Variants in NHS observed in about 807,000 individuals in gnomAD.
NHS encodes actin remodeling regulator NHS.
In NHS, 5 loss-of-function variants were observed where a neutral mutation model predicts 72.5. That is an observed-to-expected ratio of 0.07 (90% CI 0.04 to 0.14). The LOEUF is 0.14. Ranked by LOEUF, NHS falls within the 10% of genes least tolerant of loss-of-function variation. The pLI is 1.00. For synonymous variants in NHS, 464 were observed against 547.7 expected, an observed-to-expected ratio of 0.85 and a Z score of 2.13; for missense variants, 1,072 against 1,355.7, an observed-to-expected ratio of 0.79 and a Z score of 3.29.
intron 3 of NHS, among the ~76,000 whole-genome samples, chrX:17,714,006 A>G (rs1373266897): frequency 9.0e-6 from 1 of 111,563 alleles, no homozygotes; most frequent in African/African-American, 3.3e-5. Context: ...GAAGGCATCA[A>G]AAGAATCATC....
At chrX:17,589,694 C>T (rs191575847) in intron 1 of NHS, among the ~76,000 whole-genome samples, 12 of 109,174 alleles carry the variant, frequency 1.1e-4, no homozygotes, top group African/African-American at 4.1e-4. Flanking sequence ...TGGGTACATA[C>T]CCAGTAGTGG....
intron 1 of NHS, among the ~76,000 whole-genome samples, chrX:17,410,293 C>T (rs1470744813): frequency 4.5e-5 from 5 of 110,862 alleles, no homozygotes; most frequent in Admixed American, 2.9e-4. Flanking sequence ...GCAACAGTAT[C>T]GCTGTCTGGA....
chrX:17,545,527 C>T lies in NHS; in HGVS notation c.566-142215C>T, dbSNP rs1357588954. ...GCCAGGACTCATTCACATGGGCACC[C>T]CTGACTGTAAGAGCAATTGGGAAAT... On this transcript the variant is annotated intron_variant, in intron 1 of 8. Transcript: ENST00000676302. Among the ~76,000 whole-genome samples, 2 of 111,636 alleles carry T rather than the reference C, an allele frequency of 1.8e-5. 1 individual carries two copies. Among genetic ancestry groups the T allele is most frequent in the Admixed American group, 1.9e-4 (2 of 10,518 alleles).
At chrX:17,429,858 G>A (rs977487052) in intron 1 of NHS, among the ~76,000 whole-genome samples, 2 of 111,304 alleles carry the variant, frequency 1.8e-5, no homozygotes, top group African/African-American at 6.5e-5. Context: ...TTCTCTAGGT[G>A]GCATCACGGA....
At chrX:17,708,727 G>A (rs766488493) in intron 3 of NHS, among the ~76,000 whole-genome samples, 6 of 111,144 alleles carry the variant, frequency 5.4e-5, no homozygotes, top group Non-Finnish European at 7.5e-5. Context: ...ATAGACTGAG[G>A]AAACTATGAG....
intron 1 of NHS, among the ~76,000 whole-genome samples, chrX:17,676,042 A>C: frequency 8.9e-6 from 1 of 112,141 alleles, no homozygotes. Flanking sequence ...GGGATTTATT[A>C]GCATATATAA....
At chrX:17,395,540 G>A (rs148062833) in intron 1 of NHS, among the ~76,000 whole-genome samples, 221 of 112,448 alleles carry the variant, frequency 2.0e-3, no homozygotes, top group African/African-American at 6.3e-3. Context: ...TCACCCTTTT[G>A]TATTCTCTAA....
chrX:17,467,103 G>A (rs928106989), intron 1 of NHS, among the ~76,000 whole-genome samples: 3 of 111,711 alleles, frequency 2.7e-5, no homozygotes, highest in East Asian at 2.8e-4. Flanking sequence ...GAAGGGAACA[G>A]CCCTGGATCT....
At chrX:17,561,565 C>T (rs897104845) in intron 1 of NHS, among the ~76,000 whole-genome samples, 12 of 73,637 alleles carry the variant, frequency 1.6e-4, no homozygotes, top group South Asian at 8.3e-4. Flanking sequence ...CATGCGCGCG[C>T]GCGCGCGCGC....
intron 1 of NHS, among the ~76,000 whole-genome samples, chrX:17,399,069 T>C (rs1244088964): frequency 8.9e-6 from 1 of 111,751 alleles, no homozygotes; most frequent in Non-Finnish European, 1.9e-5. Flanking sequence ...CTATAGACCA[T>C]GGGGATTCCT....
chrX:17,381,076 G>A (rs2064375660), intron 1 of NHS, among the ~76,000 whole-genome samples: 1 of 111,001 alleles, frequency 9.0e-6, no homozygotes, highest in Non-Finnish European at 1.9e-5. Context: ...GGAACGTGAA[G>A]GCATTAAGGA....
intron 1 of NHS, among the ~76,000 whole-genome samples, chrX:17,561,574 GCACACACACACACACACACACACACA>G (rs530971006): frequency 4.6e-5 from 3 of 65,386 alleles, no homozygotes; most frequent in Admixed American, 3.8e-4. Flanking sequence ...GCGCGCGCGC[GCACACACACACACACACACACACACA>G]CACACACACA....
intron 1 of NHS, among the ~76,000 whole-genome samples, chrX:17,657,647 C>T (rs1426594284): frequency 8.9e-6 from 1 of 112,687 alleles, no homozygotes; most frequent in East Asian, 2.8e-4. Context: ...AAGCCTCATC[C>T]ATTCCCGGGT....
chrX:17,693,727 C>T (rs1434764809), intron 3 of NHS, among the ~76,000 whole-genome samples: 1 of 112,773 alleles, frequency 8.9e-6, no homozygotes, highest in Non-Finnish European at 1.9e-5. Context: ...CAAGTGCACA[C>T]TGAGCGCCGT....
At chrX:17,635,896 T>C (rs1197398548) in intron 1 of NHS, among the ~76,000 whole-genome samples, 2 of 112,122 alleles carry the variant, frequency 1.8e-5, no homozygotes, top group Non-Finnish European at 3.8e-5. Flanking sequence ...GGCATCAAAC[T>C]ACCCAAGACA....
chrX:17,575,739 C>T (rs1252383384), intron 1 of NHS, among the ~76,000 whole-genome samples: 1 of 112,447 alleles, frequency 8.9e-6, no homozygotes, highest in Non-Finnish European at 1.9e-5. Flanking sequence ...ATGCTCCTCT[C>T]ATGGTAGGTG....
intron 1 of NHS, among the ~76,000 whole-genome samples, chrX:17,403,655 G>A (rs189043387): frequency 1.6e-4 from 18 of 112,499 alleles, no homozygotes; most frequent in African/African-American, 5.5e-4. Context: ...GGGAGCAGGA[G>A]ATGAATGTGG....
At chrX:17,624,607 T>C (rs2065788828) in intron 1 of NHS, among the ~76,000 whole-genome samples, 2 of 113,605 alleles carry the variant, frequency 1.8e-5, no homozygotes, top group African/African-American at 6.4e-5. Flanking sequence ...GATTCACCCA[T>C]ACTGCATGTG....
intron 1 of NHS, among the ~76,000 whole-genome samples, chrX:17,628,864 A>G (rs2065811355): frequency 8.8e-6 from 1 of 113,234 alleles, no homozygotes; most frequent in Non-Finnish European, 1.9e-5. Flanking sequence ...CTGAAATAGC[A>G]CATACAAAGA....
Sources: allele counts gnomAD v4.1 joint callset (sites outside exome capture counted in the v4.1 genomes callset), GRCh38; gene constraint gnomAD v4.1.1; transcripts MANE v1.5; gene names NCBI Gene and HGNC (gene_info 2026-07-23, HGNC 2026-07-21).